The following NCOA1 variants were observed in gnomAD, a reference collection of about 807,000 sequenced individuals.
The protein encoded by NCOA1 is nuclear receptor coactivator 1, also known as Hin-2 protein.
A neutral mutation model predicts 150.9 loss-of-function variants in NCOA1; 35 were observed. That is an observed-to-expected ratio of 0.23 (90% CI 0.18 to 0.31). The LOEUF is 0.31. NCOA1 is among the 10% of genes least tolerant of loss of function. The probability of loss-of-function intolerance (pLI) is 1.00; values close to 1 mark genes in which losing one functional copy is unlikely to be tolerated. For synonymous variants in NCOA1, 590 were observed against 630.0 expected, an observed-to-expected ratio of 0.94 and a Z score of 0.95; for missense variants, 1,491 against 1,749.3, an observed-to-expected ratio of 0.85 and a Z score of 2.63.
At chr2:24,598,282 C>T (rs1351814054) in intron 3 of NCOA1, among the ~76,000 whole-genome samples, 1 of 151,784 alleles carries the variant, frequency 6.6e-6, no homozygotes, top group African/African-American at 2.4e-5. Context: ...TCAGCATTCT[C>T]GTAAATGAAA....
intron 1 of NCOA1, among the ~76,000 whole-genome samples, chr2:24,518,695 A>C (rs1664303966): frequency 6.6e-6 from 1 of 152,190 alleles, no homozygotes; most frequent in African/African-American, 2.4e-5. Flanking sequence ...GAACATTTGG[A>C]ACTTGAAATA....
chr2:24,527,951 C>T (rs1475362080), intron 1 of NCOA1, among the ~76,000 whole-genome samples: 1 of 152,150 alleles, frequency 6.6e-6, no homozygotes, highest in African/African-American at 2.4e-5. Context: ...ACCTGTTGCC[C>T]ATTTTTATGT....
chr2:24,557,472 C>A lies in NCOA1; in HGVS notation c.-395-6823C>A, dbSNP rs76279656. Among the ~76,000 whole-genome samples the A allele has an allele frequency of 3.4e-4, 51 of 152,070 alleles. 2 individuals carry two copies. The East Asian group carries it at 9.9e-3, about 29-fold the overall frequency. ...TTTATATTTATCTTCCAATGCTCTT[C>A]GTCTTTGCTACCCCCTCCCCCTCCT... On this transcript the variant is annotated intron_variant, in intron 1 of 22. Transcript: ENST00000348332.
chr2:24,697,475 C>CA (rs1377888614), intron 10 of NCOA1, among the ~76,000 whole-genome samples, 183 bp from the exon 11 acceptor site: 1 of 151,952 alleles, frequency 6.6e-6, no homozygotes, highest in Non-Finnish European at 1.5e-5. Context: ...ATTCTAAGAC[C>CA]AAAACAATTT....
At chr2:24,667,350 G>T (rs1671477750) in intron 6 of NCOA1, among the ~76,000 whole-genome samples, 1 of 152,006 alleles carries the variant, frequency 6.6e-6, no homozygotes, top group East Asian at 1.9e-4. Context: ...TCATGTGGGG[G>T]TGATCCTCAA....
At chr2:24,615,001 T>A (rs951449768) in intron 3 of NCOA1, among the ~76,000 whole-genome samples, 2 of 152,174 alleles carry the variant, frequency 1.3e-5, no homozygotes, top group African/African-American at 4.8e-5. Context: ...ACAGAGAAAT[T>A]GAATTATTCA....
chr2:24,611,151 T>C (rs1264159292), intron 3 of NCOA1, among the ~76,000 whole-genome samples: 1 of 152,220 alleles, frequency 6.6e-6, no homozygotes, highest in Non-Finnish European at 1.5e-5. Context: ...TTGCCATCTT[T>C]ATGTCCATGA....
intron 1 of NCOA1, among the ~76,000 whole-genome samples, chr2:24,540,444 T>C (rs1183169655): frequency 1.3e-5 from 2 of 151,552 alleles, no homozygotes; most frequent in Admixed American, 6.6e-5. Flanking sequence ...GCATGATTGA[T>C]AGCTGGGAGA....
chr2:24,541,679 A>G (rs1412740944), intron 1 of NCOA1, among the ~76,000 whole-genome samples: 1 of 152,220 alleles, frequency 6.6e-6, no homozygotes, highest in African/African-American at 2.4e-5. Context: ...AATTATCTGA[A>G]AAAGATTTTA....
At chr2:24,674,153 A>G (rs79864948) in intron 7 of NCOA1, among the ~76,000 whole-genome samples, 3,118 of 62,324 alleles carry the variant, frequency 0.05, 68 homozygotes, top group East Asian at 0.17. Flanking sequence ...GTGTGTGTGT[A>G]TATATTTCTA....
intron 4 of NCOA1, among the ~76,000 whole-genome samples, chr2:24,655,914 C>T (rs1164707756): frequency 6.6e-6 from 1 of 151,406 alleles, no homozygotes; most frequent in Non-Finnish European, 1.5e-5. Context: ...TGGTGAAACC[C>T]CATCTCTACT....
intron 11 of NCOA1, among the ~76,000 whole-genome samples, chr2:24,698,655 A>G (rs774196239): frequency 2.0e-5 from 3 of 152,200 alleles, no homozygotes; most frequent in Non-Finnish European, 2.9e-5. Context: ...TCTTTTTCCA[A>G]TGAAATTTAT....
intron 7 of NCOA1, among the ~76,000 whole-genome samples, chr2:24,676,961 T>A (rs1036957469): frequency 6.6e-6 from 1 of 152,270 alleles, no homozygotes. Context: ...CTGAGAAATA[T>A]GTGATTATGT....
intron 1 of NCOA1, among the ~76,000 whole-genome samples, chr2:24,546,580 C>G (rs927393141): frequency 1.3e-5 from 2 of 152,086 alleles, no homozygotes; most frequent in African/African-American, 4.8e-5. Context: ...AACTTATAAC[C>G]TGGAAAACAT....
chr2:24,574,421 T>C (rs1209557312), intron 2 of NCOA1, among the ~76,000 whole-genome samples: 1 of 152,120 alleles, frequency 6.6e-6, no homozygotes, highest in East Asian at 1.9e-4. Flanking sequence ...TATTATAAAA[T>C]CAGTATGACT....
rs58784961 is a variant in NCOA1, at chr2:24,747,974, C to T, written c.3707-4008C>T. Among the ~76,000 whole-genome samples the T allele has an allele frequency of 1.8e-4, 28 of 151,934 alleles. 1 individual carries two copies. In the East Asian group the frequency reaches 4.7e-3, roughly 25 times the overall value. ...ATACAAAAGTAGCTGGGCGTGGTGG[C>T]GCATGCCTGTAATCCCAGCTACTCA... On this transcript the variant is annotated intron_variant, in intron 19 of 22. Transcript: ENST00000348332.
intron 1 of NCOA1, among the ~76,000 whole-genome samples, chr2:24,510,841 A>G (rs180918259): frequency 4.6e-5 from 7 of 152,164 alleles, no homozygotes; most frequent in Non-Finnish European, 8.8e-5. Flanking sequence ...AAGTTTTCCC[A>G]TTTTCTTGAG....
intron 3 of NCOA1, among the ~76,000 whole-genome samples, chr2:24,599,612 G>A (rs1420435201): frequency 1.3e-5 from 2 of 152,004 alleles, no homozygotes; most frequent in Non-Finnish European, 2.9e-5. Context: ...CCCATAAGTT[G>A]GAGGCTTAGC....
chr2:24,749,429 T>C (rs1335434810), intron 19 of NCOA1, among the ~76,000 whole-genome samples: 1 of 152,222 alleles, frequency 6.6e-6, no homozygotes, highest in Non-Finnish European at 1.5e-5. Context: ...CACGCGGGCA[T>C]GCGTGTTTGT....
Sources: gnomAD v4.1 joint callset for allele counts (sites outside exome capture counted in the v4.1 genomes callset) on GRCh38, gnomAD v4.1.1 for gene constraint, MANE v1.5 for transcripts, NCBI Gene and HGNC (gene_info 2026-07-23, HGNC 2026-07-21) for gene names.